FAM135B: variants seen among roughly 807,000 people sequenced by gnomAD.
FAM135B encodes the protein family with sequence similarity 135 member B.
A neutral mutation model predicts 127.7 loss-of-function variants in FAM135B; 43 were observed. The ratio of observed to expected loss-of-function variants is 0.34; its 90% confidence interval spans 0.26 to 0.43. The LOEUF (loss-of-function observed/expected upper bound fraction) is 0.43, where lower values mean the gene tolerates loss of function less well. FAM135B is among the 20% of genes least tolerant of loss of function. The pLI, the probability that FAM135B is intolerant of heterozygous loss-of-function variation, is 1.00. For synonymous variants in FAM135B, 670 were observed against 665.1 expected (o/e 1.01, Z -0.11); for missense variants, 1,558 against 1,725.6 (o/e 0.90, Z 1.72).
chr8:138,359,657 T>C (rs1480474165), intron 2 of FAM135B, among the ~76,000 whole-genome samples: 2 of 152,046 alleles, frequency 1.3e-5, no homozygotes, highest in East Asian at 1.9e-4. Context: ...ATAAGAGAAG[T>C]GGGGAAAAAA....
At chr8:138,138,013 T>C (rs1336158239) in intron 18 of FAM135B, among the ~76,000 whole-genome samples, 6 of 152,130 alleles carry the variant, frequency 3.9e-5, no homozygotes, top group Non-Finnish European at 7.4e-5. Flanking sequence ...CATCACACAT[T>C]GGGGGCAGCC....
chr8:138,178,134 G>A (rs1307830911), intron 10 of FAM135B, among the ~76,000 whole-genome samples: 1 of 151,946 alleles, frequency 6.6e-6, no homozygotes, highest in Non-Finnish European at 1.5e-5. Context: ...TGTAATCCCA[G>A]CTACTCGGGA....
chr8:138,430,237 T>C (rs750888551), intron 1 of FAM135B, among the ~76,000 whole-genome samples: 6 of 152,162 alleles, frequency 3.9e-5, no homozygotes, highest in Non-Finnish European at 7.3e-5. Flanking sequence ...TCCATCTGTA[T>C]TGATAACAAT....
At chr8:138,321,297 G>A (rs1827438148) in intron 2 of FAM135B, among the ~76,000 whole-genome samples, 1 of 152,142 alleles carries the variant, frequency 6.6e-6, no homozygotes, top group Non-Finnish European at 1.5e-5. Context: ...GTGAGACACA[G>A]CCTCCCACTT....
chr8:138,383,009 G>T (rs931397303), intron 1 of FAM135B, among the ~76,000 whole-genome samples: 6 of 152,160 alleles, frequency 3.9e-5, no homozygotes, highest in Non-Finnish European at 8.8e-5. Context: ...ATATCCACTG[G>T]GAAAGGGGCC....
At chr8:138,195,360 C>T (rs776088968) in intron 8 of FAM135B, 53 bp from the exon 9 acceptor site, 1 of 1,563,154 alleles carries the variant, frequency 6.4e-7, no homozygotes, top group Non-Finnish European at 8.8e-7. Flanking sequence ...TGAAATGCAG[C>T]AGTTGCTAAT....
At chr8:138,404,064 A>C (rs1177833817) in intron 1 of FAM135B, among the ~76,000 whole-genome samples, 1 of 152,120 alleles carries the variant, frequency 6.6e-6, no homozygotes, top group African/African-American at 2.4e-5. Context: ...TGATTTTCTT[A>C]TATTCAATTA....
chr8:138,468,871 C>T (rs1195928272), intron 1 of FAM135B, among the ~76,000 whole-genome samples: 1 of 151,958 alleles, frequency 6.6e-6, no homozygotes, highest in Non-Finnish European at 1.5e-5. Context: ...AAAGTGAAAC[C>T]CCGCCTCTAC....
intron 19 of FAM135B, among the ~76,000 whole-genome samples, chr8:138,133,765 CT>C (rs1816392085): frequency 6.6e-6 from 1 of 152,170 alleles, no homozygotes; most frequent in Non-Finnish European, 1.5e-5. Flanking sequence ...CACCGTTTTC[CT>C]TTTCCCTCCA....
chr8:138,189,628 C>T (rs78168498), intron 9 of FAM135B, among the ~76,000 whole-genome samples: 6,169 of 152,184 alleles, frequency 0.041, 249 homozygotes, highest in African/African-American at 0.1. Flanking sequence ...GACTTTTGCC[C>T]CTCTGAGCAT....
intron 1 of FAM135B, among the ~76,000 whole-genome samples, chr8:138,490,684 C>G (rs1054126823): frequency 1.3e-5 from 2 of 152,190 alleles, no homozygotes; most frequent in East Asian, 1.9e-4. Flanking sequence ...TGGGATGACA[C>G]TCACCTCTTC....
chr8:138,385,087 G>GT, intron 1 of FAM135B, among the ~76,000 whole-genome samples: 1 of 152,116 alleles, frequency 6.6e-6, no homozygotes, highest in African/African-American at 2.4e-5. Context: ...TCCTCACTCC[G>GT]TTTCCCCCAG....
chr8:138,293,594 T>C (rs1202890668), intron 3 of FAM135B, among the ~76,000 whole-genome samples: 2 of 151,988 alleles, frequency 1.3e-5, no homozygotes, highest in East Asian at 1.9e-4. Flanking sequence ...ATGACACGAA[T>C]AGACATTTCT....
At chr8:138,159,054 T>C (rs199721380) in intron 12 of FAM135B, among the ~76,000 whole-genome samples, 1 of 150,020 alleles carries the variant, frequency 6.7e-6, no homozygotes, top group African/African-American at 2.5e-5. Flanking sequence ...GGGTGGATCA[T>C]GAGGTCAGGA....
chr8:138,470,188 G>C (rs1587530247), intron 1 of FAM135B, among the ~76,000 whole-genome samples: 1 of 152,094 alleles, frequency 6.6e-6, no homozygotes, highest in Non-Finnish European at 1.5e-5. Flanking sequence ...TAAGACAGGA[G>C]AAAACACAAA....
intron 1 of FAM135B, among the ~76,000 whole-genome samples, chr8:138,429,449 T>C (rs994698711): frequency 6.6e-6 from 1 of 152,164 alleles, no homozygotes. Context: ...CCAAGCCCCA[T>C]GTGACGAACT....
intron 5 of FAM135B, 143 bp downstream of exon 5, chr8:138,256,544 CCT>C (rs1822101400): frequency 1.3e-5 from 9 of 670,504 alleles, no homozygotes; most frequent in South Asian, 4.1e-5. Flanking sequence ...AGCCCGCACC[CCT>C]GAGTCAGGGA....
Position 138,152,651 on chromosome 8 carries a change from G to A in FAM135B, c.1824C>T (p.Asp608=), listed in dbSNP as rs1344877373. 1.2e-6 allele frequency: 2 copies of A among 1,614,102 alleles called. No individual in the cohort carries two copies. The highest frequency in any genetic ancestry group is 1.7e-5 in the Admixed American group (1 of 60,008). The change falls in exon 13 of 20, where the codon GAC becomes GAT. Residue 608 remains aspartate (D), a synonymous_variant. Coordinates refer to ENST00000395297, the MANE Select transcript of FAM135B (RefSeq NM_015912.4). ...GGSHQNAISS[D]KTTLHELSTL... ...TACTTAATTCATGGAGAGTTGTTTT[G>A]TCTGAAGAGATGGCATTTTGGTGGC...
intron 6 of FAM135B, among the ~76,000 whole-genome samples, chr8:138,244,009 T>C (rs1821080673): frequency 6.6e-6 from 1 of 152,202 alleles, no homozygotes; most frequent in South Asian, 2.1e-4. Flanking sequence ...CTATGGGTGC[T>C]CAAGAAACAT....
Sources: allele counts gnomAD v4.1 joint callset (sites outside exome capture counted in the v4.1 genomes callset), GRCh38; gene constraint gnomAD v4.1.1; transcripts MANE v1.5; gene names NCBI Gene and HGNC (gene_info 2026-07-23, HGNC 2026-07-21).